The following BICDL1 variants were observed in gnomAD, a reference collection of about 807,000 sequenced individuals.
BICDL1 encodes the protein BICD family like cargo adaptor 1, also known as BICD family-like cargo adapter 1.
Under a neutral mutation model 76.8 loss-of-function variants are expected in BICDL1, and 20 were observed. That is an observed-to-expected ratio of 0.26 (90% CI 0.18 to 0.38). BICDL1 has a LOEUF of 0.38. BICDL1 is among the 10% of genes least tolerant of loss of function. The pLI, the probability that BICDL1 is intolerant of heterozygous loss-of-function variation, is 1.00. For synonymous variants in BICDL1, 383 were observed against 337.1 expected, an observed-to-expected ratio of 1.14 and a Z score of -1.49; for missense variants, 700 against 798.6, an observed-to-expected ratio of 0.88 and a Z score of 1.49.
At chr12:120,036,927 T>C (rs1209224439) in intron 2 of BICDL1, among the ~76,000 whole-genome samples, 1 of 152,186 alleles carries the variant, frequency 6.6e-6, no homozygotes, top group Non-Finnish European at 1.5e-5. Context: ...CACAGACATA[T>C]ATGAAAGTTT....
chr12:120,014,607 G>T (rs776033509), intron 2 of BICDL1, among the ~76,000 whole-genome samples: 1 of 151,608 alleles, frequency 6.6e-6, no homozygotes, highest in Non-Finnish European at 1.5e-5. Context: ...CAAGAGAATC[G>T]CTTGAACCCA....
chr12:120,064,707 AC>A, intron 3 of BICDL1, 25 bp from the exon 4 acceptor site: 1 of 1,585,362 alleles, frequency 6.3e-7, no homozygotes, highest in Admixed American at 1.8e-5. Context: ...ACTCCACACC[AC>A]CCCTGTGGCT....
At chr12:120,046,422 C>T (rs887010410) in intron 2 of BICDL1, among the ~76,000 whole-genome samples, 4 of 152,206 alleles carry the variant, frequency 2.6e-5, no homozygotes, top group Non-Finnish European at 4.4e-5. Context: ...GTAACAGCAA[C>T]AGCTAACACA....
Position 120,079,619 on chromosome 12 carries a change from C to T in BICDL1, c.1453-1268C>T, listed in dbSNP as rs1378113636. Among the ~76,000 whole-genome samples the T allele has an allele frequency of 6.6e-6, 1 of 152,136 alleles. No homozygotes were observed. Among genetic ancestry groups the T allele is most frequent in the Non-Finnish European group, 1.5e-5 (1 of 68,022 alleles). On this transcript the variant is annotated intron_variant, in intron 7 of 9. Transcript: ENST00000548673. The surrounding 1 kb of genome is among the most constrained non-coding windows in gnomAD (Gnocchi z 4.3). ...AAGGGGCTCCCACCCTTTCATTATT[C>T]AATAAATATTTATTGAAAGCTCTAC...
Position 120,093,138 on chromosome 12 carries a change from T to C in BICDL1, c.1843T>C (p.Phe615Leu). Residue 615 changes from phenylalanine (F) to leucine (L), a missense_variant, in exon 10 of 10, where the codon TTC becomes CTC. Physicochemically the swap from Phe to Leu is conservative, Grantham distance 22. Transcript: ENST00000548673. The part of the protein sequence containing the change: ...EPSIAEGKRL[F>L]SFFRKI ...CAGCATCGCTGAAGGCAAACGACTCTTCTCATTCTTCAGGAAAATTTAAGT... is the reference window on the plus strand; with the variant it reads ...CAGCATCGCTGAAGGCAAACGACTCCTCTCATTCTTCAGGAAAATTTAAGT... 6.2e-7 allele frequency: 1 copy of C among 1,609,584 alleles called. No individual in the cohort carries two copies. The highest frequency in any genetic ancestry group is 8.5e-7 in the Non-Finnish European group (1 of 1,177,766).
At chr12:120,032,242 C>T (rs955272913) in intron 2 of BICDL1, among the ~76,000 whole-genome samples, 3 of 152,148 alleles carry the variant, frequency 2.0e-5, no homozygotes. Context: ...GCTCCTCTTC[C>T]TGGTGGTGAT....
chr12:119,998,509 C>G lies in BICDL1; in HGVS notation c.430-12C>G, dbSNP rs746292647. On this transcript the variant is annotated splice_polypyrimidine_tract_variant and intron_variant, in intron 1 of 9. Coordinates refer to ENST00000548673, the MANE Select transcript of BICDL1 (RefSeq NM_001367886.1). ...TTTTATCAGTGTTTAAATCCCTTCA[C>G]TTTTCACCCAGCACTTAGAGCAAGA... The G allele has an allele frequency of 1.3e-6, 2 of 1,586,758 alleles. No individual in the cohort carries two copies. The highest frequency in any genetic ancestry group is 1.7e-6 in the Non-Finnish European group (2 of 1,168,206).
At chr12:120,005,464 C>G (rs1461697756) in intron 2 of BICDL1, among the ~76,000 whole-genome samples, 1 of 152,164 alleles carries the variant, frequency 6.6e-6, no homozygotes, top group East Asian at 1.9e-4. Flanking sequence ...ACCTCCACCT[C>G]CTGGGTTTAA....
intron 2 of BICDL1, among the ~76,000 whole-genome samples, chr12:120,045,293 A>G (rs1036191969): frequency 1.3e-5 from 2 of 152,144 alleles, no homozygotes; most frequent in African/African-American, 4.8e-5. Context: ...GAATGTGGAG[A>G]AATAGGAACA....
chr12:120,080,777 C>A, intron 7 of BICDL1, 110 bp from the exon 8 acceptor site: 2 of 1,220,926 alleles, frequency 1.6e-6, no homozygotes, highest in Non-Finnish European at 2.3e-6. Context: ...CAGCTTGCAC[C>A]CCCACACATG....
chr12:120,037,977 G>A (rs777108500), intron 2 of BICDL1, among the ~76,000 whole-genome samples: 21 of 152,206 alleles, frequency 1.4e-4, no homozygotes, highest in Middle Eastern at 3.2e-3. Context: ...ACAGATGCCT[G>A]CTCAGAACAT....
At chr12:120,091,893 C>T in intron 9 of BICDL1, 5 of 985,410 alleles carry the variant, frequency 5.1e-6, no homozygotes, top group Non-Finnish European at 6.0e-6. Flanking sequence ...AAGAGGTCAT[C>T]TGCCCTGGCC....
chr12:120,085,716 C>A (rs1019317026), intron 8 of BICDL1, among the ~76,000 whole-genome samples: 2 of 146,038 alleles, frequency 1.4e-5, no homozygotes, highest in African/African-American at 5.1e-5. Context: ...GGGAGGATCA[C>A]TTGAGCCCAG....
intron 9 of BICDL1, chr12:120,092,199 G>A: frequency 1.0e-6 from 1 of 985,392 alleles, no homozygotes; most frequent in Non-Finnish European, 1.2e-6. Flanking sequence ...GGAAGGGAGT[G>A]GAGCTGCCCT....
chr12:120,022,698 G>A (rs1336734415), intron 2 of BICDL1, among the ~76,000 whole-genome samples: 2 of 151,966 alleles, frequency 1.3e-5, no homozygotes, highest in Non-Finnish European at 2.9e-5. Context: ...TAGATATCAG[G>A]TAATGCAGGA....
rs1875131573 is a variant in BICDL1, at chr12:120,093,127, G to A, written c.1832G>A (p.Gly611Asp). 1.9e-6 allele frequency: 3 copies of A among 1,602,336 alleles called. No individual in the cohort carries two copies. The highest frequency in any genetic ancestry group is 2.6e-6 in the Non-Finnish European group (3 of 1,173,226). The change falls in exon 10 of 10, where the codon GGC becomes GAC. Residue 611 changes from glycine (G) to aspartate (D), a missense_variant. Physicochemically the swap from Gly to Asp is moderately conservative, Grantham distance 94. Transcript: ENST00000548673. The stretch of plus-strand genomic sequence containing the variant: ...GGGGATGAGCCCAGCATCGCTGAAG[G>A]CAAACGACTCTTCTCATTCTTCAGG... The part of the protein sequence containing the change: ...GRGDEPSIAE[G>D]KRLFSFFRKI
chr12:119,997,745 T>C (rs886974218), intron 1 of BICDL1, among the ~76,000 whole-genome samples: 1 of 152,062 alleles, frequency 6.6e-6, no homozygotes, highest in Non-Finnish European at 1.5e-5. Context: ...TTTTCATCTC[T>C]GAAAAATTCT....
At chr12:120,049,452 G>A (rs1408845826) in intron 2 of BICDL1, among the ~76,000 whole-genome samples, 1 of 152,220 alleles carries the variant, frequency 6.6e-6, no homozygotes, top group Admixed American at 6.5e-5. Flanking sequence ...AACATGGGCC[G>A]TATTTGTGGT....
intron 7 of BICDL1, among the ~76,000 whole-genome samples, chr12:120,078,261 G>A (rs1355436366): frequency 6.6e-6 from 1 of 152,210 alleles, no homozygotes; most frequent in Non-Finnish European, 1.5e-5. Context: ...GACCCCATGA[G>A]GATGAGCTCA....
Sources: gnomAD v4.1 joint callset for allele counts (sites outside exome capture counted in the v4.1 genomes callset) on GRCh38, gnomAD v4.1.1 for gene constraint, Gnocchi (gnomAD v3.1) non-coding constraint, MANE v1.5 for transcripts, NCBI Gene and HGNC (gene_info 2026-07-23, HGNC 2026-07-21) for gene names.